TBC1D23: variants seen among roughly 807,000 people sequenced by gnomAD.
TBC1D23 encodes the protein HCV non-structural protein 4A-transactivated protein 1.
Under a neutral mutation model 91.4 loss-of-function variants are expected in TBC1D23, and 55 were observed. That is an observed-to-expected ratio of 0.60 (90% CI 0.48 to 0.75). The LOEUF (loss-of-function observed/expected upper bound fraction) is 0.75. Among genes scored for constraint, TBC1D23 ranks in the 30% least tolerant of loss-of-function variants. The probability of loss-of-function intolerance (pLI) is 0.00; values close to 1 mark genes in which losing one functional copy is unlikely to be tolerated. For missense variants in TBC1D23, 725 were observed against 836.1 expected (o/e 0.87, Z 1.64); for synonymous variants, 289 against 281.0 (o/e 1.03, Z -0.28).
chr3:100,282,632 TTG>T (rs948005504), intron 3 of TBC1D23, among the ~76,000 whole-genome samples: 10 of 152,246 alleles, frequency 6.6e-5, no homozygotes, highest in Non-Finnish European at 1.3e-4. Context: ...CATTGTATTT[TTG>T]TTTCTCTTTC....
chr3:100,272,112 TTA>T (rs1020537739), intron 1 of TBC1D23, among the ~76,000 whole-genome samples: 2 of 152,224 alleles, frequency 1.3e-5, no homozygotes, highest in African/African-American at 4.8e-5. Context: ...CCACATGTTT[TTA>T]TATCTTTTAA....
At position 100,299,282 on chromosome 3, in the gene TBC1D23, A is replaced by T. The variant is rs199577095; in HGVS notation, c.1043A>T (p.Gln348Leu). Reference protein sequence around the residue: ...FFVVDCRPAEQYNAGHLSTAF... With the variant: ...FFVVDCRPAELYNAGHLSTAF... Reference sequence around the variant, plus strand: ...GTGGTGGATTGCCGTCCTGCAGAACAATATAATGCTGGGCATTTATCAACT... The same window carrying T: ...GTGGTGGATTGCCGTCCTGCAGAACTATATAATGCTGGGCATTTATCAACT... The change falls in exon 10 of 19, where the codon CAA becomes CTA. Residue 348 changes from glutamine to leucine, a missense_variant. Gln to Leu is a moderately radical substitution (Grantham distance 113). Coordinates refer to ENST00000394144, the MANE Select transcript of TBC1D23 (RefSeq NM_001199198.3). 1 of 1,613,112 alleles carries T rather than the reference A, an allele frequency of 6.2e-7. No individual in the cohort carries two copies. The highest frequency in any genetic ancestry group is 2.2e-5 in the East Asian group (1 of 44,836).
At chr3:100,265,854 A>G (rs2067553261) in intron 1 of TBC1D23, among the ~76,000 whole-genome samples, 1 of 152,190 alleles carries the variant, frequency 6.6e-6, no homozygotes, top group East Asian at 1.9e-4. Flanking sequence ...GTGAGTAGGA[A>G]TTGTTTGAGA....
chr3:100,306,339 T>C (rs1465114614), intron 12 of TBC1D23, 98 bp from the exon 13 acceptor site: 1 of 674,220 alleles, frequency 1.5e-6, no homozygotes, highest in African/African-American at 1.8e-5. Context: ...AGTCCTTTTT[T>C]CTCAGCTGTG....
intron 4 of TBC1D23, among the ~76,000 whole-genome samples, chr3:100,285,504 T>C (rs537715000): frequency 2.1e-4 from 32 of 152,384 alleles, no homozygotes; most frequent in Admixed American, 2.1e-3. Context: ...TTGGATTGTT[T>C]TCACTTTTTT....
intron 7 of TBC1D23, 53 bp from the exon 8 acceptor site, chr3:100,296,119 A>C (rs965013865): frequency 7.7e-6 from 8 of 1,037,318 alleles, no homozygotes; most frequent in Non-Finnish European, 9.9e-6. Context: ...TGATACATAA[A>C]CAATATTTGC....
intron 13 of TBC1D23, among the ~76,000 whole-genome samples, chr3:100,307,154 T>G (rs1705530714): frequency 6.6e-6 from 1 of 152,262 alleles, no homozygotes; most frequent in Admixed American, 6.5e-5. Context: ...TCTGTTTTTC[T>G]GTTCTTTGGA....
chr3:100,274,275 A>G (rs974197089), intron 1 of TBC1D23, among the ~76,000 whole-genome samples: 1 of 152,170 alleles, frequency 6.6e-6, no homozygotes, highest in Non-Finnish European at 1.5e-5. Flanking sequence ...AACTGACCCT[A>G]TAAGATAAGC....
intron 1 of TBC1D23, among the ~76,000 whole-genome samples, chr3:100,265,202 C>G (rs1048525272): frequency 6.6e-6 from 1 of 152,136 alleles, no homozygotes; most frequent in Admixed American, 6.5e-5. Flanking sequence ...AATGAATGTA[C>G]GCATGAATGA....
intron 1 of TBC1D23, among the ~76,000 whole-genome samples, chr3:100,264,618 C>G (rs1030298325): frequency 1.3e-5 from 2 of 152,158 alleles, no homozygotes; most frequent in African/African-American, 4.8e-5. Context: ...ACACAGCTAT[C>G]CCTTTTTGAG....
chr3:100,292,336 T>C (rs1449030320), intron 5 of TBC1D23, among the ~76,000 whole-genome samples: 1 of 152,202 alleles, frequency 6.6e-6, no homozygotes, highest in Non-Finnish European at 1.5e-5. Flanking sequence ...TATCCTTTTA[T>C]TATGTATTAC....
At chr3:100,273,786 A>G (rs1559800866) in intron 1 of TBC1D23, among the ~76,000 whole-genome samples, 1 of 152,190 alleles carries the variant, frequency 6.6e-6, no homozygotes. Flanking sequence ...TATCTAATAA[A>G]TGGTGCTGGG....
intron 11 of TBC1D23, among the ~76,000 whole-genome samples, chr3:100,303,204 A>G (rs937364481): frequency 1.3e-5 from 2 of 152,170 alleles, no homozygotes; most frequent in African/African-American, 4.8e-5. Context: ...ATGGTCCTGA[A>G]CTATGGAATC....
chr3:100,323,400 C>CT (rs1169184525), intron 18 of TBC1D23, among the ~76,000 whole-genome samples, 187 bp from the exon 19 acceptor site: 1 of 152,004 alleles, frequency 6.6e-6, no homozygotes, highest in African/African-American at 2.4e-5. Flanking sequence ...TCGAAATAAG[C>CT]TTTGGATTAT....
chr3:100,290,552 A>C (rs754908165), intron 4 of TBC1D23, 26 bp from the exon 5 acceptor site: 4 of 1,610,998 alleles, frequency 2.5e-6, no homozygotes, highest in Non-Finnish European at 3.4e-6. Flanking sequence ...TTAATGCAAA[A>C]AAATTTTGCT....
chr3:100,318,568 G>A (rs1705794378), intron 16 of TBC1D23, among the ~76,000 whole-genome samples: 1 of 151,638 alleles, frequency 6.6e-6, no homozygotes, highest in African/African-American at 2.4e-5. Context: ...ATATGAAAGT[G>A]ATGTTTGATA....
intron 8 of TBC1D23, among the ~76,000 whole-genome samples, chr3:100,297,040 G>A (rs2067847965): frequency 6.6e-6 from 1 of 151,956 alleles, no homozygotes; most frequent in Non-Finnish European, 1.5e-5. Context: ...GCCTAATAAA[G>A]GACACCAGAT....
At chr3:100,319,352 C>A in intron 17 of TBC1D23, 148 bp downstream of exon 17, 1 of 667,324 alleles carries the variant, frequency 1.5e-6, no homozygotes, top group Non-Finnish European at 2.5e-6. Flanking sequence ...CTTGAATTTA[C>A]AGTATTATGT....
At chr3:100,266,081 G>T (rs2148848155) in intron 1 of TBC1D23, among the ~76,000 whole-genome samples, 1 of 152,288 alleles carries the variant, frequency 6.6e-6, no homozygotes, top group African/African-American at 2.4e-5. Flanking sequence ...GAACTGGGAA[G>T]GCTGGATACT....
Sources: gnomAD v4.1 joint callset for allele counts (sites outside exome capture counted in the v4.1 genomes callset) on GRCh38, gnomAD v4.1.1 for gene constraint, MANE v1.5 for transcripts, NCBI Gene and HGNC (gene_info 2026-07-23, HGNC 2026-07-21) for gene names.